GALNT13: variants seen among roughly 807,000 people sequenced by gnomAD.
The protein encoded by GALNT13 is UDP-GalNAc:polypeptide N-acetylgalactosaminyltransferase 13.
GALNT13 carries 28 observed loss-of-function variants against 64.2 expected under a neutral mutation model. The ratio of observed to expected loss-of-function variants is 0.44; its 90% CI spans 0.32 to 0.60. The LOEUF is 0.60. Among genes scored for constraint, GALNT13 ranks in the 20% least tolerant of loss-of-function variants. The probability of loss-of-function intolerance (pLI) is 0.05; values close to 1 mark genes in which losing one functional copy is unlikely to be tolerated. For synonymous variants in GALNT13, 214 were observed against 224.6 expected (o/e 0.95, Z 0.42); for missense variants, 577 against 669.8 (o/e 0.86, Z 1.53).
the GALNT13 span, among the ~76,000 whole-genome samples, chr2:153,846,608 A>G: frequency 6.6e-6 from 1 of 152,196 alleles, no homozygotes; most frequent in African/African-American, 2.4e-5. Context: ...AAAGATAATC[A>G]GAGCTAGCAA....
the GALNT13 span, among the ~76,000 whole-genome samples, chr2:153,069,285 T>A: frequency 3.3e-5 from 5 of 152,170 alleles, no homozygotes; most frequent in Non-Finnish European, 5.9e-5. Flanking sequence ...TAATACCTAT[T>A]TACTTTTTGC....
the GALNT13 span, among the ~76,000 whole-genome samples, chr2:153,622,399 A>T: frequency 1.3e-5 from 2 of 152,176 alleles, no homozygotes; most frequent in East Asian, 1.9e-4. Context: ...GATCTGCAAA[A>T]GTAGTTTCTT....
chr2:153,903,190 T>G (rs1306994817), intron 2 of GALNT13, among the ~76,000 whole-genome samples: 1 of 151,990 alleles, frequency 6.6e-6, no homozygotes, highest in Non-Finnish European at 1.5e-5. Flanking sequence ...ACATGTCATC[T>G]TAATCTGATT....
chr2:153,438,211 A>G, the GALNT13 span, among the ~76,000 whole-genome samples: 5 of 152,070 alleles, frequency 3.3e-5, no homozygotes, highest in African/African-American at 4.8e-5. Context: ...AGTCTGATGG[A>G]CTTCCCTTTG....
chr2:153,321,049 TG>T, the GALNT13 span, among the ~76,000 whole-genome samples: 1 of 152,180 alleles, frequency 6.6e-6, no homozygotes, highest in Non-Finnish European at 1.5e-5. Context: ...GTTACTGTTT[TG>T]AGTGAGAACA....
chr2:153,708,024 T>A, the GALNT13 span, among the ~76,000 whole-genome samples: 1 of 152,108 alleles, frequency 6.6e-6, no homozygotes, highest in Non-Finnish European at 1.5e-5. Context: ...GAGAATGGAT[T>A]CATCATGTTA....
At chr2:154,233,037 C>CAA (rs375484057) in intron 4 of GALNT13, among the ~76,000 whole-genome samples, 910 of 58,896 alleles carry the variant, frequency 0.015, 6 homozygotes, top group African/African-American at 0.022. Flanking sequence ...GACCCTGTCT[C>CAA]AAAAAAAAAA....
chr2:154,148,787 T>C (rs1044208681), intron 4 of GALNT13, among the ~76,000 whole-genome samples: 1 of 152,222 alleles, frequency 6.6e-6, no homozygotes, highest in Non-Finnish European at 1.5e-5. Flanking sequence ...TGTTTTTTTC[T>C]TGTAAATTTG....
the GALNT13 span, among the ~76,000 whole-genome samples, chr2:153,427,641 T>G: frequency 6.6e-6 from 1 of 152,282 alleles, no homozygotes; most frequent in African/African-American, 2.4e-5. Flanking sequence ...ACTTAAACAT[T>G]TTTTAAAAGA....
At chr2:153,863,067 A>G in the GALNT13 span, among the ~76,000 whole-genome samples, 1 of 152,128 alleles carries the variant, frequency 6.6e-6, no homozygotes, top group Non-Finnish European at 1.5e-5. Context: ...GATGGGATGC[A>G]GGACCAAAAT....
the GALNT13 span, among the ~76,000 whole-genome samples, chr2:153,497,674 A>T: frequency 5.8e-4 from 88 of 151,430 alleles, 1 homozygote; most frequent in African/African-American, 1.8e-3. Flanking sequence ...AATAGCTGGG[A>T]TTATAGGCGC....
the GALNT13 span, among the ~76,000 whole-genome samples, chr2:153,670,744 C>A: frequency 6.6e-6 from 1 of 152,300 alleles, no homozygotes; most frequent in African/African-American, 2.4e-5. Flanking sequence ...TCTGTAATAA[C>A]AAACTTCTCT....
chr2:154,388,897 CA>C (rs1460984909), intron 9 of GALNT13, among the ~76,000 whole-genome samples: 92 of 152,074 alleles, frequency 6.0e-4, no homozygotes, highest in Non-Finnish European at 8.8e-5. Context: ...ACATACATAA[CA>C]AACTTTATAA....
intron 3 of GALNT13, among the ~76,000 whole-genome samples, chr2:154,048,517 A>G (rs1263774350): frequency 6.6e-6 from 1 of 152,190 alleles, no homozygotes; most frequent in East Asian, 1.9e-4. Context: ...TTTGTAAGGT[A>G]GCTTTTCTTT....
intron 12 of GALNT13, among the ~76,000 whole-genome samples, chr2:154,439,024 G>A (rs1701144706): frequency 6.6e-6 from 1 of 152,116 alleles, no homozygotes; most frequent in Non-Finnish European, 1.5e-5. Context: ...AAGCCTATCT[G>A]AGAGGTTTGT....
chr2:153,269,691 A>T, the GALNT13 span, among the ~76,000 whole-genome samples: 1 of 150,800 alleles, frequency 6.6e-6, no homozygotes, highest in African/African-American at 2.5e-5. Flanking sequence ...TTAAGATACT[A>T]CCTGAGACTG....
At chr2:154,086,136 A>G (rs1401428586) in intron 3 of GALNT13, among the ~76,000 whole-genome samples, 1 of 148,184 alleles carries the variant, frequency 6.7e-6, no homozygotes, top group Admixed American at 6.8e-5. Context: ...TATATCATAT[A>G]ATAAAGTATA....
At chr2:153,704,303 C>G in the GALNT13 span, among the ~76,000 whole-genome samples, 3 of 152,106 alleles carry the variant, frequency 2.0e-5, no homozygotes, top group African/African-American at 4.8e-5. Flanking sequence ...AGTGGGCTTT[C>G]TTTCTTACTT....
At chr2:154,275,692 A>T (rs1229677784) in intron 8 of GALNT13, among the ~76,000 whole-genome samples, 1 of 152,194 alleles carries the variant, frequency 6.6e-6, no homozygotes, top group African/African-American at 2.4e-5. Context: ...CCCCACACAG[A>T]GTCCCCCCTG....
Sources: gnomAD v4.1 joint callset for allele counts (sites outside exome capture counted in the v4.1 genomes callset) on GRCh38, gnomAD v4.1.1 for gene constraint, MANE v1.5 for transcripts, NCBI Gene and HGNC (gene_info 2026-07-23, HGNC 2026-07-21) for gene names.